SLC44A5: variants seen among roughly 807,000 people sequenced by gnomAD.
The protein encoded by SLC44A5 is solute carrier family 44 member 5.
A neutral mutation model predicts 101.8 loss-of-function variants in SLC44A5; 57 were observed. The ratio of observed to expected loss-of-function variants is 0.56; its 90% CI spans 0.45 to 0.70. The LOEUF is 0.70. SLC44A5 is among the 30% of genes least tolerant of loss of function. The pLI is 0.00. For missense variants in SLC44A5, 737 were observed against 853.1 expected (o/e 0.86, Z 1.70); for synonymous variants, 281 against 290.9 (o/e 0.97, Z 0.35).
chr1:75,537,593 T>A (rs1671127032), intron 2 of SLC44A5, among the ~76,000 whole-genome samples: 1 of 152,214 alleles, frequency 6.6e-6, no homozygotes, highest in Non-Finnish European at 1.5e-5. Context: ...ACAGCAGGCT[T>A]GTCCATCTGC....
At chr1:75,479,623 C>T (rs1228332628) in intron 2 of SLC44A5, among the ~76,000 whole-genome samples, 1 of 152,228 alleles carries the variant, frequency 6.6e-6, no homozygotes, top group African/African-American at 2.4e-5. Context: ...CTACAAACAC[C>T]TCTACGCAAA....
At chr1:75,680,838 G>A in the SLC44A5 span, among the ~76,000 whole-genome samples, 1 of 151,260 alleles carries the variant, frequency 6.6e-6, no homozygotes, top group African/African-American at 2.4e-5. Context: ...TTTTTTGAAA[G>A]GATCAACAAA....
At chr1:75,256,800 A>G in intron 6 of SLC44A5, among the ~76,000 whole-genome samples, 1 of 152,178 alleles carries the variant, frequency 6.6e-6, no homozygotes, top group East Asian at 1.9e-4. Context: ...CAAGAAGTAG[A>G]GGTATTGCAT....
At chr1:75,536,830 C>A (rs1450705302) in intron 2 of SLC44A5, among the ~76,000 whole-genome samples, 7 of 141,544 alleles carry the variant, frequency 4.9e-5, no homozygotes, top group East Asian at 2.1e-4. Context: ...AACGGTGAAA[C>A]CCCGTCTCTA....
intron 4 of SLC44A5, among the ~76,000 whole-genome samples, chr1:75,328,957 A>G (rs935584078): frequency 6.6e-6 from 1 of 152,188 alleles, no homozygotes; most frequent in African/African-American, 2.4e-5. Context: ...AATATCTGCC[A>G]GAGCCTCAGA....
the SLC44A5 span, among the ~76,000 whole-genome samples, chr1:75,702,769 G>C: frequency 4.6e-5 from 7 of 152,144 alleles, no homozygotes; most frequent in South Asian, 6.2e-4. Context: ...ATCTGACAAA[G>C]GGCTAATATC....
In SLC44A5 at chr1:75,464,394, C is replaced by G. The variant is rs966175755; in HGVS notation, c.14-67773G>C. Among the ~76,000 whole-genome samples the G allele has an allele frequency of 1.3e-5, 2 of 150,922 alleles. 1 individual carries two copies. Among genetic ancestry groups the G allele is most frequent in the South Asian group, 4.2e-4 (2 of 4,754 alleles). On this transcript the variant is annotated intron_variant, in intron 2 of 23. Transcript: ENST00000370859. ...ATAGTATTTGCAAGCCTCATGGTAA[C>G]CTCAAACCAGAAAACATACAATGGA...
intron 2 of SLC44A5, among the ~76,000 whole-genome samples, chr1:75,436,666 T>C (rs574337219): frequency 3.0e-4 from 45 of 152,270 alleles, no homozygotes; most frequent in African/African-American, 1.1e-3. Context: ...CAAATATTTT[T>C]CTTTCTTCAA....
chr1:75,565,882 T>G (rs1672760580), intron 1 of SLC44A5, among the ~76,000 whole-genome samples: 1 of 152,170 alleles, frequency 6.6e-6, no homozygotes, highest in Admixed American at 6.5e-5. Context: ...GGTAATGAAG[T>G]AGCATCTGAA....
At chr1:75,203,941 T>TCG in intron 23 of SLC44A5, 108 bp from the exon 24 acceptor site, 1 of 1,232,060 alleles carries the variant, frequency 8.1e-7, no homozygotes, top group South Asian at 2.0e-5. Flanking sequence ...CCTTTTGTTG[T>TCG]TTTTTTTTTG....
chr1:75,454,164 C>A (rs1211409544), intron 2 of SLC44A5, among the ~76,000 whole-genome samples: 2 of 151,964 alleles, frequency 1.3e-5, no homozygotes, highest in African/African-American at 4.8e-5. Context: ...ACACTAGCAA[C>A]ATGAATCCAG....
At chr1:75,437,387 T>C (rs1664952322) in intron 2 of SLC44A5, among the ~76,000 whole-genome samples, 1 of 152,144 alleles carries the variant, frequency 6.6e-6, no homozygotes, top group Non-Finnish European at 1.5e-5. Flanking sequence ...AGTCTTTCAT[T>C]AACTGAAATA....
chr1:75,529,758 G>C (rs1305959272), intron 2 of SLC44A5, among the ~76,000 whole-genome samples: 3 of 152,154 alleles, frequency 2.0e-5, no homozygotes, highest in Admixed American at 1.3e-4. Context: ...ATAGAGAAAA[G>C]TGGCTCAAAG....
chr1:75,207,113 T>G (rs1173515379), intron 23 of SLC44A5, among the ~76,000 whole-genome samples: 2 of 152,184 alleles, frequency 1.3e-5, no homozygotes, highest in Admixed American at 6.5e-5. Context: ...AGAATAATAA[T>G]GGAATTTCAG....
intron 5 of SLC44A5, among the ~76,000 whole-genome samples, chr1:75,281,313 G>A (rs1177770796): frequency 6.6e-6 from 1 of 152,128 alleles, no homozygotes; most frequent in Non-Finnish European, 1.5e-5. Context: ...CTGCCCTAGA[G>A]ATCTGTGGAA....
intron 4 of SLC44A5, among the ~76,000 whole-genome samples, chr1:75,330,185 A>ATACGGATATATGCATATATG (rs1656937405): frequency 6.6e-6 from 1 of 150,710 alleles, no homozygotes; most frequent in South Asian, 2.1e-4. Flanking sequence ...ATGCATATAT[A>ATACGGATATATGCATATATG]TACGTATATG....
At chr1:75,230,454 T>G (rs888377371) in intron 12 of SLC44A5, among the ~76,000 whole-genome samples, 4 of 151,904 alleles carry the variant, frequency 2.6e-5, no homozygotes, top group African/African-American at 9.7e-5. Context: ...TTTCACCATG[T>G]TGGCCAGGAT....
chr1:75,351,830 GA>G (rs1480296618), intron 3 of SLC44A5, among the ~76,000 whole-genome samples: 1 of 3,776 alleles, frequency 2.6e-4, no homozygotes, highest in African/African-American at 1.6e-3. Flanking sequence ...TCATCATAAT[GA>G]ATAACACACT....
intron 3 of SLC44A5, among the ~76,000 whole-genome samples, chr1:75,388,727 C>A (rs919013138): frequency 2.0e-5 from 3 of 151,290 alleles, no homozygotes; most frequent in African/African-American, 7.3e-5. Flanking sequence ...TGCAGTGAGC[C>A]GAGATCGCTC....
Sources: allele counts gnomAD v4.1 joint callset (sites outside exome capture counted in the v4.1 genomes callset), GRCh38; gene constraint gnomAD v4.1.1; transcripts MANE v1.5; gene names NCBI Gene and HGNC (gene_info 2026-07-23, HGNC 2026-07-21).